TRAK1: variants seen among roughly 807,000 people sequenced by gnomAD.
TRAK1 encodes trafficking kinesin-binding protein 1.
In TRAK1, 33 loss-of-function variants were observed where a neutral mutation model predicts 92.1. The ratio of observed to expected loss-of-function variants is 0.36; its 90% CI spans 0.27 to 0.48. TRAK1 has a LOEUF of 0.48. Ranked by LOEUF, TRAK1 falls within the 20% of genes least tolerant of loss-of-function variation. The probability of loss-of-function intolerance (pLI) is 0.99; values close to 1 mark genes in which losing one functional copy is unlikely to be tolerated. For synonymous variants in TRAK1, 521 were observed against 517.3 expected, an observed-to-expected ratio of 1.01 and a Z score of -0.10; for missense variants, 1,123 against 1,257.9, an observed-to-expected ratio of 0.89 and a Z score of 1.62.
upstream of TRAK1, among the ~76,000 whole-genome samples, chr3:42,090,448 GGCCGAGGCGGGCAGATCA>G (rs1704954191): frequency 6.6e-6 from 1 of 152,246 alleles, no homozygotes; most frequent in Non-Finnish European, 1.5e-5. Context: ...CACTTTGGGA[GGCCGAGGCGGGCAGATCA>G]CCTGAGGTCA....
chr3:42,209,628 T>G (rs1002787959), intron 13 of TRAK1, 139 bp from the exon 14 acceptor site: 13 of 792,920 alleles, frequency 1.6e-5, no homozygotes, highest in Non-Finnish European at 2.6e-5. Flanking sequence ...AAGTTCCCGC[T>G]GCAGTCCACC....
At chr3:42,110,130 AT>A (rs1256190475) in intron 1 of TRAK1, among the ~76,000 whole-genome samples, 22 of 130,560 alleles carry the variant, frequency 1.7e-4, no homozygotes, top group Non-Finnish European at 2.4e-4. Context: ...ATATATATAT[AT>A]AAACTTTGTG....
chr3:42,205,309 A>C (rs761946862), intron 13 of TRAK1, among the ~76,000 whole-genome samples: 4 of 152,104 alleles, frequency 2.6e-5, no homozygotes, highest in African/African-American at 9.7e-5. Flanking sequence ...TAAGATTCCC[A>C]TAATCACCAG....
At position 42,202,711 on chromosome 3, in the gene TRAK1, C is replaced by T. The variant is rs752830166; in HGVS notation, c.1703C>T (p.Ser568Phe). 7.4e-6 allele frequency: 12 copies of T among 1,613,878 alleles called. No individual in the cohort carries two copies. Among genetic ancestry groups the T allele is most frequent in the African/African-American group, 1.3e-5 (1 of 74,944 alleles). ...GFSGMSFSSR[S>F]YLPEKLQIVK... is the part of the protein sequence containing the mutation. ...TCTGGCATGTCCTTCAGCAGCCGCT[C>T]CTACCTGCCTGAGAAGCTCCAGATC... Residue 568 changes from serine to phenylalanine, a missense_variant, in exon 13 of 16, where the codon TCC (serine) becomes TTC (phenylalanine). By Grantham distance (155) the Ser-to-Phe change is radical. This residue lies in a region of TRAK1 where 686 missense variants were observed against 747.6 expected (regional missense o/e 0.92). Transcript: ENST00000327628. This position sits in a 1 kb window ranked among gnomAD's most constrained non-coding sequence, Gnocchi z 6.1.
At chr3:42,106,507 T>A (rs1707590567) in intron 1 of TRAK1, among the ~76,000 whole-genome samples, 1 of 152,224 alleles carries the variant, frequency 6.6e-6, no homozygotes, top group South Asian at 2.1e-4. Context: ...TGAGACCTCT[T>A]CTTTATTTAA....
At chr3:42,166,847 C>G (rs1701926543) in intron 2 of TRAK1, among the ~76,000 whole-genome samples, 1 of 152,228 alleles carries the variant, frequency 6.6e-6, no homozygotes, top group Non-Finnish European at 1.5e-5. Context: ...CTCCTGCCTC[C>G]TAGTGCAGAG....
upstream of TRAK1, among the ~76,000 whole-genome samples, chr3:42,088,835 C>T (rs947639923): frequency 6.6e-6 from 1 of 152,192 alleles, no homozygotes; most frequent in African/African-American, 2.4e-5. Flanking sequence ...CTTCTTCTCC[C>T]AAGCCTGGGA....
chr3:42,077,974 A>G (rs758116689), intron 1 of TRAK1, among the ~76,000 whole-genome samples: 33 of 152,220 alleles, frequency 2.2e-4, no homozygotes, highest in Non-Finnish European at 3.5e-4. Flanking sequence ...CGTTGTGTCT[A>G]CTTCTTCCGC....
chr3:42,018,909 G>A (rs933077650), intron 1 of TRAK1, among the ~76,000 whole-genome samples: 2 of 152,170 alleles, frequency 1.3e-5, no homozygotes, highest in African/African-American at 2.4e-5. Flanking sequence ...GGATTGCGAG[G>A]TCATGAGATC....
At chr3:42,066,048 G>A (rs1334409176) in intron 1 of TRAK1, among the ~76,000 whole-genome samples, 1 of 152,322 alleles carries the variant, frequency 6.6e-6, no homozygotes, top group East Asian at 1.9e-4. Flanking sequence ...AGTTGAGGCT[G>A]GGTCCAGTGG....
At chr3:42,104,855 C>T (rs959762149) in intron 1 of TRAK1, among the ~76,000 whole-genome samples, 10 of 151,810 alleles carry the variant, frequency 6.6e-5, no homozygotes, top group Admixed American at 2.0e-4. Flanking sequence ...ATGACTTTGA[C>T]GAGTTGAGAG....
chr3:42,197,000 TCTCACACACA>T lies in TRAK1; in HGVS notation c.1113+2061_1113+2070del, dbSNP rs1487514074. Among the ~76,000 whole-genome samples the T allele has an allele frequency of 7.2e-4, 94 of 131,164 alleles. No individual in the cohort carries two copies. In the East Asian group the frequency reaches 7.8e-3, roughly 11 times the overall value. 86.0% of individuals were successfully genotyped at this position (131,164 alleles called of 152,430 possible). A position where few individuals can be genotyped will look rare whatever the true frequency, so the allele number is the denominator to read the frequency against. ...CTTTCTCTTTCTCTCTCTCTCTCTC[TCTCACACACA>T]CACACACACACACACACACACACAC... On this transcript the variant is annotated intron_variant, in intron 10 of 15. Coordinates refer to ENST00000327628, the MANE Select transcript of TRAK1 (RefSeq NM_001042646.3).
intron 13 of TRAK1, chr3:42,203,025 C>G (rs996362484): frequency 9.6e-6 from 12 of 1,255,874 alleles, no homozygotes; most frequent in Non-Finnish European, 1.2e-5. Flanking sequence ...TAGTTCTTTC[C>G]TTTGCCTTTA....
intron 1 of TRAK1, among the ~76,000 whole-genome samples, chr3:42,054,750 A>G (rs1703127267): frequency 1.3e-5 from 2 of 152,270 alleles, no homozygotes; most frequent in South Asian, 2.1e-4. Context: ...TGAAGCAAAC[A>G]TAACTAAGTC....
intron 1 of TRAK1, among the ~76,000 whole-genome samples, chr3:42,047,464 C>T (rs781126795): frequency 1.6e-4 from 24 of 152,016 alleles, no homozygotes; most frequent in Non-Finnish European, 2.9e-4. Context: ...CTTAGCCTCC[C>T]AGTGTTGGGA....
At chr3:42,200,686 C>G in intron 11 of TRAK1, 132 bp from the exon 12 acceptor site, 1 of 848,250 alleles carries the variant, frequency 1.2e-6, no homozygotes, top group Non-Finnish European at 1.9e-6. Flanking sequence ...GTGGCAGGCA[C>G]AGGATAGCAG....
chr3:42,018,994 C>T (rs946697062), intron 1 of TRAK1, among the ~76,000 whole-genome samples: 10 of 152,020 alleles, frequency 6.6e-5, no homozygotes, highest in Admixed American at 1.3e-4. Flanking sequence ...TGCTGGTGGA[C>T]GCCTGTAATC....
intron 1 of TRAK1, among the ~76,000 whole-genome samples, chr3:42,038,591 G>A (rs542489262): frequency 5.3e-5 from 8 of 152,050 alleles, no homozygotes; most frequent in Non-Finnish European, 1.2e-4. Context: ...TTCGAGACCA[G>A]CCTGGCCAAC....
At chr3:42,212,308 C>T (rs1004977900) in intron 14 of TRAK1, 1 of 985,234 alleles carries the variant, frequency 1.0e-6, no homozygotes, top group African/African-American at 1.7e-5. Flanking sequence ...CAGCACTATC[C>T]CAGGAACTAT....
Sources: allele counts gnomAD v4.1 joint callset (sites outside exome capture counted in the v4.1 genomes callset), GRCh38; gene constraint gnomAD v4.1.1; regional missense constraint gnomAD v4.1.1; non-coding constraint Gnocchi (gnomAD v3.1); transcripts MANE v1.5; gene names NCBI Gene and HGNC (gene_info 2026-07-23, HGNC 2026-07-21).